The following COL18A1 variants were observed in gnomAD, a reference collection of about 807,000 sequenced individuals.
COL18A1 encodes the protein collagen type XVIII alpha 1 chain.
Under a neutral mutation model 168.0 loss-of-function variants are expected in COL18A1, and 133 were observed. That is an observed-to-expected ratio of 0.79 (90% CI 0.69 to 0.91). The LOEUF (loss-of-function observed/expected upper bound fraction) is 0.91. Ranked by LOEUF, COL18A1 falls within the 40% of genes least tolerant of loss-of-function variation. The probability of loss-of-function intolerance (pLI) is 0.00; values close to 1 mark genes in which losing one functional copy is unlikely to be tolerated. For synonymous variants in COL18A1, 949 were observed against 809.0 expected, an observed-to-expected ratio of 1.17 and a Z score of -2.94; for missense variants, 2,126 against 1,925.4, an observed-to-expected ratio of 1.10 and a Z score of -1.95.
chr21:45,473,669 C>T lies in COL18A1; in HGVS notation c.652-226C>T, dbSNP rs1326967093. Reference sequence around the variant, plus strand: ...CCAAGTCTGAGGGAGCAGCCTCCGCCCAGCCGGGTGCTTTCCACATGAAAG... The same window carrying T: ...CCAAGTCTGAGGGAGCAGCCTCCGCTCAGCCGGGTGCTTTCCACATGAAAG... On this transcript the variant is annotated intron_variant, in intron 3 of 41. Coordinates refer to ENST00000651438, the MANE Select transcript of COL18A1 (RefSeq NM_001379500.1). This position sits in a 1 kb window ranked among gnomAD's most constrained non-coding sequence, Gnocchi z 4.0. 6.6e-6 allele frequency among the ~76,000 whole-genome samples: 1 copy of T among 152,190 alleles called. No homozygotes were observed. Among genetic ancestry groups the T allele is most frequent in the Non-Finnish European group, 1.5e-5 (1 of 68,028 alleles).
Position 45,512,418 on chromosome 21 carries a change from G to A in COL18A1, c.*20G>A. The A allele has an allele frequency of 1.2e-6, 2 of 1,608,942 alleles. No homozygotes were observed. The highest frequency in any genetic ancestry group is 1.7e-6 in the Non-Finnish European group (2 of 1,178,264). ...AAGTAGCCACCGCCTGGATGCGGAT[G>A]GCCGGAGAGGACCGGCGGCTCGGAG... On this transcript the variant is annotated 3_prime_UTR_variant, in exon 42 of 42. Transcript: ENST00000651438.
In COL18A1 at chr21:45,474,904, G is replaced by A. The variant is rs925773189; in HGVS notation, c.739-572G>A. On this transcript the variant is annotated intron_variant, in intron 4 of 41. Transcript: ENST00000651438. ...TTTTGCCTGGAACATGCCAGAAGAC[G>A]CCAGATCGTTCACATGGCGGCCATG... Among the ~76,000 whole-genome samples, 11 of 152,206 alleles carry A rather than the reference G, an allele frequency of 7.2e-5. No homozygotes were observed. The East Asian group carries it at 9.7e-4, about 13-fold the overall frequency.
At position 45,511,723 on chromosome 21, in the gene COL18A1, G is replaced by C. The variant is rs78876783; in HGVS notation, c.3810-465G>C. On this transcript the variant is annotated intron_variant, in intron 41 of 41. Coordinates refer to ENST00000651438, the MANE Select transcript of COL18A1 (RefSeq NM_001379500.1). ...ACTCATGCATTTAGGGGTGTCTCGG[G>C]GTGCCACACAGCGTGTCCCCAGCAG... Among the ~76,000 whole-genome samples, 135 of 152,254 alleles carry C rather than the reference G, an allele frequency of 8.9e-4. 2 individuals are homozygous for C. The East Asian group carries it at 0.023, about 26-fold the overall frequency.
In COL18A1 at chr21:45,453,632, A is replaced by G. The variant is rs1161930665; in HGVS notation, c.107-14610A>G. 7.2e-5 allele frequency among the ~76,000 whole-genome samples: 11 copies of G among 152,228 alleles called. No individual in the cohort carries two copies. In the East Asian group the frequency reaches 2.1e-3, roughly 29 times the overall value. ...CCAATGGTGGACAGGAAGCTCTCAA[A>G]GCACTTAGAGGTGGAGGAGTCCTGG... On this transcript the variant is annotated intron_variant, in intron 2 of 41. Coordinates refer to ENST00000651438, the MANE Select transcript of COL18A1 (RefSeq NM_001379500.1).
At chr21:45,508,252 G>A (rs1568948457) in intron 38 of COL18A1, among the ~76,000 whole-genome samples, 1 of 150,282 alleles carries the variant, frequency 6.7e-6, no homozygotes, top group African/African-American at 2.5e-5. Flanking sequence ...TGAGTGGATG[G>A]TGGACAGGTG....
At chr21:45,484,603 T>C (rs897339253) in intron 15 of COL18A1, among the ~76,000 whole-genome samples, 1 of 150,800 alleles carries the variant, frequency 6.6e-6, no homozygotes, top group Non-Finnish European at 1.5e-5. Flanking sequence ...CACATGTATC[T>C]GGTGTATATG....
rs529896759 is a variant in COL18A1 at position 45,512,434 on chromosome 21, C to A, written c.*36C>A. On this transcript the variant is annotated 3_prime_UTR_variant, in exon 42 of 42. Transcript: ENST00000651438. ...GATGCGGATGGCCGGAGAGGACCGGCGGCTCGGAGGAAGCCCCCACCGTGG... is the reference window on the plus strand; with the variant it reads ...GATGCGGATGGCCGGAGAGGACCGGAGGCTCGGAGGAAGCCCCCACCGTGG... 1 of 1,593,152 alleles carries A rather than the reference C, an allele frequency of 6.3e-7. No individual in the cohort carries two copies. The highest frequency in any genetic ancestry group is 1.1e-5 in the South Asian group (1 of 88,674).
intron 2 of COL18A1, among the ~76,000 whole-genome samples, chr21:45,430,625 C>T (rs555149660): frequency 7.9e-5 from 12 of 152,290 alleles, no homozygotes; most frequent in Non-Finnish European, 1.6e-4. Context: ...TGGGTGGCTG[C>T]CTAAGTCTCT....
Position 45,493,205 on chromosome 21 carries a change from C to G in COL18A1, c.2257C>G (p.Arg753Gly), listed in dbSNP as rs1280809356. Residue 753 changes from arginine to glycine, a missense_variant, in exon 25 of 42, where the codon CGA becomes GGA. By Grantham distance (125) the Arg-to-Gly change is moderately radical (BLOSUM62 -2). Coordinates refer to ENST00000651438, the MANE Select transcript of COL18A1 (RefSeq NM_001379500.1). ...PKGNLGSKGE[R>G]GSPGPKGEKG... The stretch of plus-strand genomic sequence containing the variant: ...GGGCAACCTGGGCTCTAAGGGCGAA[C>G]GAGGCTCCCCGGGACCCAAGGTAAG... The G allele has an allele frequency of 4.5e-6, 7 of 1,561,738 alleles. No individual in the cohort carries two copies. The highest frequency in any genetic ancestry group is 6.1e-6 in the Non-Finnish European group (7 of 1,152,802).
intron 2 of COL18A1, among the ~76,000 whole-genome samples, chr21:45,447,632 A>G (rs970992073): frequency 2.6e-5 from 4 of 152,170 alleles, no homozygotes; most frequent in African/African-American, 9.7e-5. Context: ...GAAATTGTCA[A>G]AGTGACCCCA....
intron 32 of COL18A1, among the ~76,000 whole-genome samples, chr21:45,500,211 G>A (rs78599692): frequency 5.4e-5 from 3 of 55,700 alleles, no homozygotes; most frequent in Admixed American, 3.3e-4. Context: ...TGTGTGGCTG[G>A]GTTGGGTGTA....
chr21:45,475,149 C>T (rs1360857628), intron 4 of COL18A1, among the ~76,000 whole-genome samples: 1 of 152,222 alleles, frequency 6.6e-6, no homozygotes, highest in African/African-American at 2.4e-5. Context: ...TGCGGTGCGG[C>T]CTCCTCCAGG....
chr21:45,479,392 A>C (rs1434028511), intron 9 of COL18A1, among the ~76,000 whole-genome samples: 1 of 151,996 alleles, frequency 6.6e-6, no homozygotes, highest in Non-Finnish European at 1.5e-5. Context: ...ACGCATGCAC[A>C]CATGCTACAC....
At chr21:45,437,455 G>GAC (rs1569287878) in intron 2 of COL18A1, among the ~76,000 whole-genome samples, 1 of 2,974 alleles carries the variant, frequency 3.4e-4, no homozygotes, top group African/African-American at 2.2e-3. Context: ...CTCACTCACA[G>GAC]ACAGACACAC....
Position 45,477,811 on chromosome 21 carries a change from C to T in COL18A1, c.1067C>T (p.Pro356Leu). 3 of 1,551,138 alleles carry T rather than the reference C, an allele frequency of 1.9e-6. No individual in the cohort carries two copies. Among genetic ancestry groups the T allele is most frequent in the Non-Finnish European group, 2.6e-6 (3 of 1,147,278 alleles). ...CCGGGCCCACCTGGCCGGGCAGGCC[C>T]CCCAGGATCCCCATGCCTACCTGGT... ...GVPGPPGRAG[P>L]PGSPCLPGPP... is the part of the protein sequence containing the mutation. Residue 356 changes from proline (P) to leucine (L), a missense_variant, in exon 8 of 42, where the codon CCC becomes CTC. Coordinates refer to ENST00000651438, the MANE Select transcript of COL18A1 (RefSeq NM_001379500.1).
intron 30 of COL18A1, 119 bp from the exon 31 acceptor site, chr21:45,496,931 G>A (rs2036563012): frequency 2.7e-6 from 2 of 738,404 alleles, no homozygotes; most frequent in Non-Finnish European, 2.5e-6. Flanking sequence ...CTGACTGGGG[G>A]AGGCTGCTAT....
intron 11 of COL18A1, 64 bp from the exon 12 acceptor site, chr21:45,480,403 C>T: frequency 6.2e-7 from 1 of 1,613,310 alleles, no homozygotes; most frequent in South Asian, 1.1e-5. Flanking sequence ...GGGGCAGGGG[C>T]CAGGAGTAGG....
intron 33 of COL18A1, 65 bp from the exon 34 acceptor site, chr21:45,504,351 A>G: frequency 6.6e-7 from 1 of 1,526,574 alleles, no homozygotes; most frequent in Non-Finnish European, 8.9e-7. Context: ...GCTCGGGGGG[A>G]TGGGAGGCCA....
chr21:45,495,298 G>A (rs1322563024), intron 28 of COL18A1, 60 bp from the exon 29 acceptor site: 27 of 1,421,820 alleles, frequency 1.9e-5, no homozygotes, highest in East Asian at 4.9e-5. Flanking sequence ...GGCACCCTGC[G>A]GGAAGGTGTC....
Sources: gnomAD v4.1 joint callset for allele counts (sites outside exome capture counted in the v4.1 genomes callset) on GRCh38, gnomAD v4.1.1 for gene constraint, Gnocchi (gnomAD v3.1) non-coding constraint, MANE v1.5 for transcripts, NCBI Gene and HGNC (gene_info 2026-07-23, HGNC 2026-07-21) for gene names.